Variants in TMEM131 observed in about 807,000 individuals in gnomAD.
TMEM131 encodes transmembrane protein 131.
Under a neutral mutation model 211.6 loss-of-function variants are expected in TMEM131, and 66 were observed. The ratio of observed to expected loss-of-function variants is 0.31; its 90% CI spans 0.26 to 0.38. The LOEUF is 0.38. Among genes scored for constraint, TMEM131 ranks in the 10% least tolerant of loss-of-function variants. TMEM131 has a pLI of 1.00. For synonymous variants in TMEM131, 844 were observed against 841.3 expected (o/e 1.00, Z -0.06); for missense variants, 2,036 against 2,299.3 (o/e 0.89, Z 2.34).
intron 1 of TMEM131, among the ~76,000 whole-genome samples, chr2:97,988,513 T>C (rs373543219): frequency 6.6e-6 from 1 of 152,164 alleles, no homozygotes; most frequent in African/African-American, 2.4e-5. Context: ...TGGGAGAACA[T>C]AGTTGCAAAT....
At chr2:97,799,821 C>A (rs1372523984) in intron 25 of TMEM131, among the ~76,000 whole-genome samples, 1 of 152,108 alleles carries the variant, frequency 6.6e-6, no homozygotes, top group African/African-American at 2.4e-5. Context: ...AATTACATGT[C>A]TGTAGCAGGT....
intron 8 of TMEM131, among the ~76,000 whole-genome samples, chr2:97,835,802 C>G (rs1447780954): frequency 6.6e-6 from 1 of 152,290 alleles, no homozygotes; most frequent in South Asian, 2.1e-4. Context: ...CCGAAATAGG[C>G]TGGAGGTGAG....
chr2:97,919,749 T>C (rs1248038869), intron 2 of TMEM131, among the ~76,000 whole-genome samples: 1 of 152,172 alleles, frequency 6.6e-6, no homozygotes, highest in East Asian at 1.9e-4. Flanking sequence ...TTGGTATTTT[T>C]AGTAGAGACA....
chr2:97,836,497 C>T (rs1682947068), intron 8 of TMEM131, among the ~76,000 whole-genome samples: 1 of 152,132 alleles, frequency 6.6e-6, no homozygotes, highest in Admixed American at 6.5e-5. Flanking sequence ...TGGCAAGAAT[C>T]TTTATAAATA....
chr2:97,823,356 G>A (rs1682218977), intron 11 of TMEM131, among the ~76,000 whole-genome samples: 1 of 152,138 alleles, frequency 6.6e-6, no homozygotes, highest in Non-Finnish European at 1.5e-5. Context: ...AGCAGATCAA[G>A]GCAGACCTGG....
chr2:97,928,872 G>C (rs1246655158), intron 1 of TMEM131, among the ~76,000 whole-genome samples: 1 of 151,716 alleles, frequency 6.6e-6, no homozygotes, highest in African/African-American at 2.4e-5. Context: ...AAGAGTCAGT[G>C]ATATCAGTAA....
In TMEM131 at chr2:97,756,372, C is replaced by G. The variant is rs1005684571; in HGVS notation, c.*727G>C. ...GCATCATTTATTTCAAAGTACAACA[C>G]AAAGTTGTATTTTTAAGAAATACAC... On this transcript the variant is annotated 3_prime_UTR_variant, in exon 41 of 41. Transcript: ENST00000186436. 1 of 152,306 alleles carries G rather than the reference C, an allele frequency of 6.6e-6. No individual in the cohort carries two copies. The highest frequency in any genetic ancestry group is 2.4e-5 in the African/African-American group (1 of 41,566). 9.4% of individuals were successfully genotyped at this position (152,306 alleles called of 1,614,324 possible). A position where few individuals can be genotyped will look rare whatever the true frequency, so the allele number is the denominator to read the frequency against.
At chr2:97,952,386 C>T (rs979194697) in intron 1 of TMEM131, among the ~76,000 whole-genome samples, 1 of 151,962 alleles carries the variant, frequency 6.6e-6, no homozygotes, top group Non-Finnish European at 1.5e-5. Flanking sequence ...AGGATAAACC[C>T]AAAGAAATTC....
intron 1 of TMEM131, among the ~76,000 whole-genome samples, chr2:97,993,662 G>A (rs1255855856): frequency 6.6e-6 from 1 of 152,210 alleles, no homozygotes; most frequent in Non-Finnish European, 1.5e-5. Flanking sequence ...GCCACTGGCT[G>A]ATTCAACCAC....
chr2:97,972,493 C>T (rs912919143), intron 1 of TMEM131, among the ~76,000 whole-genome samples: 9 of 149,076 alleles, frequency 6.0e-5, no homozygotes, highest in African/African-American at 2.0e-4. Flanking sequence ...GGAAGGCGGG[C>T]AGGCAGGCGG....
At chr2:97,950,187 T>C (rs1012618234) in intron 1 of TMEM131, among the ~76,000 whole-genome samples, 1 of 152,164 alleles carries the variant, frequency 6.6e-6, no homozygotes, top group African/African-American at 2.4e-5. Context: ...ACCACTTCAT[T>C]AAAGCAGTGA....
chr2:97,983,624 T>C (rs1679898700), intron 1 of TMEM131, among the ~76,000 whole-genome samples: 1 of 152,184 alleles, frequency 6.6e-6, no homozygotes, highest in Non-Finnish European at 1.5e-5. Context: ...GGTTACCTCC[T>C]CCTCCTTGCT....
At chr2:97,932,019 C>A (rs1559456392) in intron 1 of TMEM131, among the ~76,000 whole-genome samples, 1 of 151,774 alleles carries the variant, frequency 6.6e-6, no homozygotes, top group African/African-American at 2.4e-5. Context: ...GTCTGAAAAA[C>A]ATAAGATAAG....
chr2:97,769,271 G>A (rs1679350210), intron 33 of TMEM131, among the ~76,000 whole-genome samples: 1 of 152,150 alleles, frequency 6.6e-6, no homozygotes, highest in Non-Finnish European at 1.5e-5. Flanking sequence ...ATAGATGTGA[G>A]CTACCACACC....
intron 1 of TMEM131, among the ~76,000 whole-genome samples, chr2:97,977,835 C>G (rs1323858515): frequency 6.6e-6 from 1 of 152,080 alleles, no homozygotes; most frequent in Non-Finnish European, 1.5e-5. Context: ...TGCCTATAAT[C>G]CCAGCACTTT....
intron 18 of TMEM131, among the ~76,000 whole-genome samples, chr2:97,810,136 C>T (rs1681486942): frequency 6.6e-6 from 1 of 151,750 alleles, no homozygotes; most frequent in Admixed American, 6.6e-5. Flanking sequence ...AAACTGTACT[C>T]CTAAAACAAT....
At chr2:97,859,278 A>C in intron 5 of TMEM131, 26 bp downstream of exon 5, 1 of 1,560,374 alleles carries the variant, frequency 6.4e-7, no homozygotes, top group East Asian at 2.4e-5. Flanking sequence ...AACTCAGGAA[A>C]GATCATGTAT....
At chr2:97,867,687 G>C (rs1481664582) in intron 4 of TMEM131, among the ~76,000 whole-genome samples, 3 of 152,160 alleles carry the variant, frequency 2.0e-5, no homozygotes. Flanking sequence ...GGTGAAGAGA[G>C]ACCCAGTCCT....
In TMEM131 at chr2:97,989,052, T is replaced by C. The variant is rs1248359655; in HGVS notation, c.187+6424A>G. ...GGATAAACAAAATGTGGTATATCCA[T>C]ACAATGGAATATAATTCAACCTTAA... On this transcript the variant is annotated intron_variant, in intron 1 of 40. Transcript: ENST00000186436. Among the ~76,000 whole-genome samples, 10 of 152,316 alleles carry C rather than the reference T, an allele frequency of 6.6e-5. No homozygotes were observed. The South Asian group carries it at 1.2e-3, about 19-fold the overall frequency.
Sources: allele counts gnomAD v4.1 joint callset (sites outside exome capture counted in the v4.1 genomes callset), GRCh38; gene constraint gnomAD v4.1.1; transcripts MANE v1.5; gene names NCBI Gene and HGNC (gene_info 2026-07-23, HGNC 2026-07-21).